The following PER1 variants were observed in gnomAD, a reference collection of about 807,000 sequenced individuals.
PER1 encodes the protein period circadian regulator 1.
PER1 carries 87 observed loss-of-function variants against 125.9 expected under a neutral mutation model. That is an observed-to-expected ratio of 0.69 (90% CI 0.58 to 0.83). PER1 has a LOEUF of 0.83. Ranked by LOEUF, PER1 falls within the 40% of genes least tolerant of loss-of-function variation. The pLI is 0.00. For missense variants in PER1, 1,775 were observed against 1,722.8 expected, an observed-to-expected ratio of 1.03 and a Z score of -0.54; for synonymous variants, 801 against 714.7, an observed-to-expected ratio of 1.12 and a Z score of -1.93.
chr17:8,147,013 C>T lies in PER1; in HGVS notation c.1630-11G>A, dbSNP rs1982494989. On this transcript the variant is annotated splice_polypyrimidine_tract_variant and intron_variant, in intron 13 of 22. Coordinates refer to ENST00000317276, the MANE Select transcript of PER1 (RefSeq NM_002616.3). ...CTGCTGGAAAGTCACCTGTGGGACACAGCACCACAGTGAGCAGAACCAGGG... is the reference window on the plus strand; with the variant it reads ...CTGCTGGAAAGTCACCTGTGGGACATAGCACCACAGTGAGCAGAACCAGGG... The T allele has an allele frequency of 3.7e-6, 6 of 1,601,040 alleles. No individual in the cohort carries two copies. Among genetic ancestry groups the T allele is most frequent in the Non-Finnish European group, 4.3e-6 (5 of 1,168,740 alleles).
intron 13 of PER1, 101 bp downstream of exon 13, chr17:8,147,149 G>A (rs1250154419): frequency 4.8e-6 from 7 of 1,468,868 alleles, no homozygotes; most frequent in East Asian, 2.4e-5. Flanking sequence ...GGAAGGAGAG[G>A]GCAAAGGAGG....
chr17:8,147,886 G>T, intron 10 of PER1, 59 bp from the exon 11 acceptor site: 2 of 1,600,466 alleles, frequency 1.2e-6, no homozygotes. Context: ...TAAGAGGGAG[G>T]CCATGCCACT....
chr17:8,146,812 G>T, intron 14 of PER1, 47 bp from the exon 15 acceptor site: 1 of 1,604,832 alleles, frequency 6.2e-7, no homozygotes, highest in Non-Finnish European at 8.5e-7. Flanking sequence ...AAGCTCACAT[G>T]GAAAAAAACA....
chr17:8,141,413 C>A (rs991402467), intron 22 of PER1, 73 bp from the exon 23 acceptor site: 1 of 1,488,544 alleles, frequency 6.7e-7, no homozygotes. Flanking sequence ...AGCTTCCCAC[C>A]CCCAGCCCAC....
At chr17:8,141,660 C>T in intron 22 of PER1, 145 bp downstream of exon 22, 1 of 1,120,958 alleles carries the variant, frequency 8.9e-7, no homozygotes, top group African/African-American at 1.6e-5. Flanking sequence ...GATCCAAGGA[C>T]ATCAAGGAGA....
Position 8,150,533 on chromosome 17 carries a change from G to A in PER1, c.174C>T (p.Asn58=), listed in dbSNP as rs753051043. ...NSNGSSGNES[N]GHESRGASQR... ...GAGATGCGCCTCTAGACTCATGCCC[G>A]TTGGACTCATTGCCACTTGAACCAT... is the stretch of plus-strand genomic sequence containing the variant. Residue 58 remains asparagine (N), a synonymous_variant, in exon 2 of 23, where the codon AAC becomes AAT. Transcript: ENST00000317276. 29 of 1,614,028 alleles carry A rather than the reference G, an allele frequency of 1.8e-5. No homozygotes were observed. The highest frequency in any genetic ancestry group is 1.1e-4 in the East Asian group (5 of 44,902).
intron 16 of PER1, 43 bp from the exon 17 acceptor site, chr17:8,146,180 G>A (rs1203791984): frequency 6.4e-7 from 1 of 1,557,204 alleles, no homozygotes; most frequent in Non-Finnish European, 8.7e-7. Flanking sequence ...CACCCCCACT[G>A]GGAAGTCAGG....
Position 8,143,743 on chromosome 17 carries a change from G to A in PER1, c.2595C>T (p.Ser865=). 3.2e-6 allele frequency: 5 copies of A among 1,558,644 alleles called. No homozygotes were observed. The highest frequency in any genetic ancestry group is 4.4e-6 in the Non-Finnish European group (5 of 1,145,356). The part of the protein sequence containing the change: ...YVSHPSPVPP[S]TPWPTPPATT... Reference sequence around the variant, plus strand: ...TGGCTGGTGGGGTGGGCCAGGGGGTGGAGGGTGGCACGGGTGAGGGGTGTG... The same window carrying A: ...TGGCTGGTGGGGTGGGCCAGGGGGTAGAGGGTGGCACGGGTGAGGGGTGTG... Residue 865 remains serine (S), a synonymous_variant, in exon 19 of 23, where the codon TCC becomes TCT. Coordinates refer to ENST00000317276, the MANE Select transcript of PER1 (RefSeq NM_002616.3).
chr17:8,150,618 G>A lies in PER1; in HGVS notation c.89C>T (p.Pro30Leu), dbSNP rs546605287. 20 of 1,613,170 alleles carry A rather than the reference G, an allele frequency of 1.2e-5. No homozygotes were observed. Among genetic ancestry groups the A allele is most frequent in the Non-Finnish European group, 1.7e-5 (20 of 1,179,752 alleles). ...FCPGGVPSPGPPQHRPCPGPS... is the reference protein window; with the variant it reads ...FCPGGVPSPGLPQHRPCPGPS... ...GCCTGGGCAAGGCCGGTGCTGTGGG[G>A]GCCCAGGGGATGGGACGCCCCCAGG... The change falls in exon 2 of 23, where the codon CCC (proline) becomes CTC (leucine). Residue 30 changes from proline (P) to leucine (L), a missense_variant. Coordinates refer to ENST00000317276, the MANE Select transcript of PER1 (RefSeq NM_002616.3).
In PER1 at chr17:8,146,998, G is replaced by A. The variant is rs1982493965; in HGVS notation, c.1634C>T (p.Thr545Ile). ...CACATCCTTACAGATCTGCTGGAAA[G>A]TCACCTGTGGGACACAGCACCACAG... is the stretch of plus-strand genomic sequence containing the variant. ...AEGPGPPAPV[T>I]FQQICKDVHL... The change falls in exon 14 of 23, where the codon ACT becomes ATT. Residue 545 changes from threonine (T) to isoleucine (I), a missense_variant. Transcript: ENST00000317276. The A allele has an allele frequency of 6.2e-7, 1 of 1,613,070 alleles. No individual in the cohort carries two copies. The highest frequency in any genetic ancestry group is 2.2e-5 in the East Asian group (1 of 44,864).
chr17:8,147,356 C>A lies in PER1; in HGVS notation c.1523G>T (p.Gly508Val), dbSNP rs1982519695. 1 of 1,613,624 alleles carries A rather than the reference C, an allele frequency of 6.2e-7. No homozygotes were observed. The highest frequency in any genetic ancestry group is 1.7e-5 in the Admixed American group (1 of 59,990). The change falls in exon 13 of 23, where the codon GGA becomes GTA. Residue 508 changes from glycine to valine, a missense_variant. Transcript: ENST00000317276. ...TGTCACGGCGCCGACTCCACAGAGT[C>A]CCGTGGGGCTGGGGCTGTGGACGGG... Reference protein sequence around the residue: ...LQPVHSPSPTGLCGVGAVTSP... With the variant: ...LQPVHSPSPTVLCGVGAVTSP...
chr17:8,148,534 C>G, intron 8 of PER1, 110 bp downstream of exon 8: 1 of 1,340,396 alleles, frequency 7.5e-7, no homozygotes, highest in Non-Finnish European at 1.0e-6. Flanking sequence ...AATAGCTTTT[C>G]TTGTTCCAAA....
chr17:8,143,586 T>A lies in PER1; in HGVS notation c.2752A>T (p.Met918Leu). ...TAGTTAGGGAGCACCAAGGCCACCA[T>A]TGGGGTCACCAAAGGGGCGGGGAAA... ...AAFPAPLVTP[M>L]VALVLPNYLF... Residue 918 changes from methionine to leucine, a missense_variant, in exon 19 of 23, where the codon ATG becomes TTG. Coordinates refer to ENST00000317276, the MANE Select transcript of PER1 (RefSeq NM_002616.3). 2 of 1,464,482 alleles carry A rather than the reference T, an allele frequency of 1.4e-6. No individual in the cohort carries two copies. The highest frequency in any genetic ancestry group is 1.8e-4 in the Middle Eastern group (1 of 5,526). 90.7% of individuals were successfully genotyped at this position (1,464,482 alleles called of 1,614,324 possible).
Position 8,146,452 on chromosome 17 carries a change from G to C in PER1, c.1958C>G (p.Ser653Cys), listed in dbSNP as rs377445409. Residue 653 changes from serine (S) to cysteine (C), a missense_variant, in exon 16 of 23, where the codon TCC becomes TGC. Coordinates refer to ENST00000317276, the MANE Select transcript of PER1 (RefSeq NM_002616.3). ...LPSTTKRKCA[S>C]SSSYTTSSAS... ...TGAGGAGGTGGTATAGGAGGAGGAGGAGGCACATTTACGCTTAGTGGTGCT... is the reference window on the plus strand; with the variant it reads ...TGAGGAGGTGGTATAGGAGGAGGAGCAGGCACATTTACGCTTAGTGGTGCT... The C allele has an allele frequency of 1.2e-6, 2 of 1,613,860 alleles. No homozygotes were observed. Among genetic ancestry groups the C allele is most frequent in the Non-Finnish European group, 1.7e-6 (2 of 1,179,944 alleles).
At chr17:8,150,352 G>C in intron 2 of PER1, 35 bp from the exon 3 acceptor site, 5 of 1,550,438 alleles carry the variant, frequency 3.2e-6, no homozygotes, top group Non-Finnish European at 4.4e-6. Flanking sequence ...TACAGGTAGG[G>C]CCAGCAGTGC....
chr17:8,149,333 G>C (rs759828744), intron 6 of PER1, 23 bp from the exon 7 acceptor site: 3 of 1,613,434 alleles, frequency 1.9e-6, no homozygotes, highest in Non-Finnish European at 1.7e-6. Flanking sequence ...GGAGAGGAGT[G>C]AGCACAGCTT....
chr17:8,143,013 G>A (rs986703851), intron 19 of PER1, among the ~76,000 whole-genome samples, 178 bp from the exon 20 acceptor site: 1 of 152,292 alleles, frequency 6.6e-6, no homozygotes, highest in East Asian at 1.9e-4. Flanking sequence ...GGGATGTGAG[G>A]CCAGACCCTT....
chr17:8,143,348 C>G lies in PER1; in HGVS notation c.2990G>C (p.Gly997Ala). The G allele has an allele frequency of 6.2e-7, 1 of 1,611,148 alleles. No individual in the cohort carries two copies. The highest frequency in any genetic ancestry group is 8.5e-7 in the Non-Finnish European group (1 of 1,178,598). ...CCCAGGGCCTCCTGCAACAGCAGCC[C>G]CCTCAGCACGGGGGAGCTCCTCCAG... ...LQLEELPRAE[G>A]AAVAGGPGSS... Residue 997 changes from glycine to alanine, a missense_variant, in exon 19 of 23, where the codon GGG becomes GCG. Coordinates refer to ENST00000317276, the MANE Select transcript of PER1 (RefSeq NM_002616.3).
chr17:8,142,856 A>G, intron 19 of PER1, 21 bp from the exon 20 acceptor site: 1 of 1,562,242 alleles, frequency 6.4e-7, no homozygotes, highest in Non-Finnish European at 8.7e-7. Context: ...GGAGGGGGGC[A>G]AGGAGGGATG....
Sources: allele counts gnomAD v4.1 joint callset (sites outside exome capture counted in the v4.1 genomes callset), GRCh38; gene constraint gnomAD v4.1.1; transcripts MANE v1.5; gene names NCBI Gene and HGNC (gene_info 2026-07-23, HGNC 2026-07-21).